Variants in DPF2 observed in about 807,000 individuals in gnomAD.
DPF2 encodes double PHD fingers 2.
In DPF2, 10 loss-of-function variants were observed where a neutral mutation model predicts 59.6. The observed-to-expected ratio is 0.17, with a 90% confidence interval of 0.10 to 0.28. The LOEUF (loss-of-function observed/expected upper bound fraction) is 0.28, where lower values mean the gene tolerates loss of function less well. DPF2 is among the 10% of genes least tolerant of loss of function. The pLI is 1.00. For synonymous variants in DPF2, 189 were observed against 190.6 expected (o/e 0.99, Z 0.07); for missense variants, 315 against 509.4 (o/e 0.62, Z 3.67).
intron 9 of DPF2, chr11:65,348,590 C>T (rs1854605351): frequency 2.4e-6 from 1 of 413,294 alleles, no homozygotes; most frequent in South Asian, 3.4e-5. Context: ...AAAAAATATA[C>T]CATAGAGCTT....
At chr11:65,344,435 G>T in intron 6 of DPF2, 1 of 728,618 alleles carries the variant, frequency 1.4e-6, no homozygotes, top group Non-Finnish European at 2.2e-6. Flanking sequence ...CTTTCTGTCT[G>T]CCTTGCCCCA....
At chr11:65,338,288 C>A (rs1188237404) in intron 1 of DPF2, among the ~76,000 whole-genome samples, 1 of 152,172 alleles carries the variant, frequency 6.6e-6, no homozygotes, top group Non-Finnish European at 1.5e-5. Flanking sequence ...CTGTCTTGTT[C>A]TCTCTTCATG....
At chr11:65,348,773 G>A (rs1854611498) in intron 9 of DPF2, 77 bp from the exon 10 acceptor site, 2 of 1,461,156 alleles carry the variant, frequency 1.4e-6, no homozygotes, top group East Asian at 4.5e-5. Flanking sequence ...ACCCCTCTTG[G>A]AAATAGCAGT....
rs1332722664 is a variant in DPF2, at chr11:65,341,433, C to A, written c.336C>A (p.Ile112=). Residue 112 remains isoleucine, a synonymous_variant, in exon 4 of 11, where the codon ATC becomes ATA. Coordinates refer to ENST00000528416, the MANE Select transcript of DPF2 (RefSeq NM_006268.5). ...AGACCCTGAAGAAGGAGGGGCTGATCTCTCAGGATGGCAGTAGTTTAGAGG... is the reference window on the plus strand; with the variant it reads ...AGACCCTGAAGAAGGAGGGGCTGATATCTCAGGATGGCAGTAGTTTAGAGG... ...TDQTLKKEGL[I]SQDGSSLEAL... The A allele has an allele frequency of 6.2e-7, 1 of 1,614,260 alleles. No homozygotes were observed. Among genetic ancestry groups the A allele is most frequent in the Non-Finnish European group, 8.5e-7 (1 of 1,180,052 alleles).
At position 65,346,293 on chromosome 11, in the gene DPF2, G is replaced by T; in HGVS notation, c.951G>T (p.Val317=). 6.2e-7 allele frequency: 1 copy of T among 1,614,062 alleles called. No homozygotes were observed. Among genetic ancestry groups the T allele is most frequent in the South Asian group, 1.1e-5 (1 of 91,084 alleles). ...TTACCCCCGTGATGATGGCGGCAGT[G>T]AAGACATACCGCTGGCAGTGCATCG... ...LQFTPVMMAA[V]KTYRWQCIEC... Residue 317 remains valine (V), a synonymous_variant, in exon 9 of 11, where the codon GTG becomes GTT. Transcript: ENST00000528416.
rs148550551 is a variant in DPF2 at position 65,333,909 on chromosome 11, T to C, written c.23T>C (p.Val8Ala). Residue 8 changes from valine to alanine, a missense_variant, in exon 1 of 11, where the codon GTA becomes GCA. Val to Ala is a moderately conservative substitution (Grantham distance 64, BLOSUM62 0). Coordinates refer to ENST00000528416, the MANE Select transcript of DPF2 (RefSeq NM_006268.5). ...AAGATGGCGGCTGTGGTGGAGAATGTAGTGAAGCTGTGAGTGGTCGTTTCT... is the reference window on the plus strand; with the variant it reads ...AAGATGGCGGCTGTGGTGGAGAATGCAGTGAAGCTGTGAGTGGTCGTTTCT... Reference protein sequence around the residue: MAAVVENVVKLLGEQYYK... With the variant: MAAVVENAVKLLGEQYYK... 5.6e-6 allele frequency: 9 copies of C among 1,613,824 alleles called. No individual in the cohort carries two copies. The highest frequency in any genetic ancestry group is 3.3e-5 in the South Asian group (3 of 91,080).
At chr11:65,344,153 T>C (rs938236304) in intron 6 of DPF2, 84 bp downstream of exon 6, 14 of 1,418,352 alleles carry the variant, frequency 9.9e-6, no homozygotes, top group Non-Finnish European at 1.2e-5. Flanking sequence ...GGTTGTGTTT[T>C]TGCCCAGAGT....
At chr11:65,334,453 C>A (rs1296394981) in intron 1 of DPF2, among the ~76,000 whole-genome samples, 3 of 152,226 alleles carry the variant, frequency 2.0e-5, no homozygotes, top group Non-Finnish European at 4.4e-5. Flanking sequence ...TACAAATATT[C>A]TTGGGAAGAA....
chr11:65,341,462 T>G lies in DPF2; in HGVS notation c.365T>G (p.Leu122Arg). The change falls in exon 4 of 11, where the codon CTG (leucine) becomes CGG (arginine). Residue 122 changes from leucine (L) to arginine (R), a missense_variant. Physicochemically the swap from Leu to Arg is moderately radical, Grantham distance 102. Transcript: ENST00000528416. The stretch of plus-strand genomic sequence containing the variant: ...CAGGATGGCAGTAGTTTAGAGGCTC[T>G]GTTGCGCACTGACCCCCTGGAGAAG... ...ISQDGSSLEA[L>R]LRTDPLEKRG... The G allele has an allele frequency of 6.2e-7, 1 of 1,614,252 alleles. No homozygotes were observed. Among genetic ancestry groups the G allele is most frequent in the Non-Finnish European group, 8.5e-7 (1 of 1,180,044 alleles).
chr11:65,335,508 C>G (rs1477317549), intron 1 of DPF2, among the ~76,000 whole-genome samples: 1 of 152,124 alleles, frequency 6.6e-6, no homozygotes, highest in East Asian at 1.9e-4. Context: ...AGGGGTTGCC[C>G]ATTTAAACAG....
intron 1 of DPF2, among the ~76,000 whole-genome samples, chr11:65,337,545 A>AGAGAGAGAGAGAGAGG (rs1211980981): frequency 7.3e-6 from 1 of 136,904 alleles, no homozygotes. Flanking sequence ...AGAGAGAGAG[A>AGAGAGAGAGAGAGAGG]GAACAATGTT....
In DPF2 at chr11:65,343,726, A is replaced by G; in HGVS notation, c.466-19A>G. On this transcript the variant is annotated intron_variant, in intron 4 of 10. Transcript: ENST00000528416. ...GGATGCACATATTTCTACCCATGCT[A>G]ACCCTCCTGTCCACTCAGCGGATCC... 1.3e-6 allele frequency: 2 copies of G among 1,577,892 alleles called. No individual in the cohort carries two copies. Among genetic ancestry groups the G allele is most frequent in the Non-Finnish European group, 1.7e-6 (2 of 1,161,902 alleles).
At chr11:65,343,695 G>A in intron 4 of DPF2, 50 bp from the exon 5 acceptor site, 1 of 1,544,762 alleles carries the variant, frequency 6.5e-7, no homozygotes, top group Non-Finnish European at 8.8e-7. Context: ...TCATAGGGGA[G>A]CTTTTGGATG....
intron 1 of DPF2, among the ~76,000 whole-genome samples, chr11:65,340,019 C>T (rs924795784): frequency 6.6e-6 from 1 of 152,166 alleles, no homozygotes; most frequent in Non-Finnish European, 1.5e-5. Flanking sequence ...TTAGGAGGGA[C>T]TATCATCTGC....
intron 1 of DPF2, among the ~76,000 whole-genome samples, chr11:65,336,658 G>T (rs967795421): frequency 6.6e-6 from 1 of 151,154 alleles, no homozygotes; most frequent in Non-Finnish European, 1.5e-5. Context: ...GCATGGTGGC[G>T]TGTGTCTGTA....
chr11:65,343,717 A>G (rs753499782), intron 4 of DPF2, 28 bp from the exon 5 acceptor site: 6 of 1,567,132 alleles, frequency 3.8e-6, no homozygotes, highest in Non-Finnish European at 4.3e-6. Context: ...ACATATTTCT[A>G]CCCATGCTAA....
At chr11:65,345,868 G>T in intron 7 of DPF2, 62 bp from the exon 8 acceptor site, 1 of 1,613,460 alleles carries the variant, frequency 6.2e-7, no homozygotes, top group Non-Finnish European at 8.5e-7. Flanking sequence ...ACCACTCCTT[G>T]CATGGGTGTT....
At chr11:65,335,153 G>GTCTT (rs1950079891) in intron 1 of DPF2, among the ~76,000 whole-genome samples, 1 of 143,760 alleles carries the variant, frequency 7.0e-6, no homozygotes, top group South Asian at 2.3e-4. Context: ...CAACGCTATT[G>GTCTT]TCTTTCTCTC....
At chr11:65,333,954 G>A in intron 1 of DPF2, 36 bp downstream of exon 1, 1 of 1,602,868 alleles carries the variant, frequency 6.2e-7, no homozygotes, top group Non-Finnish European at 8.5e-7. Flanking sequence ...AGGGCGGCAG[G>A]TTTTGTAAAG....
Sources: gnomAD v4.1 joint callset for allele counts (sites outside exome capture counted in the v4.1 genomes callset) on GRCh38, gnomAD v4.1.1 for gene constraint, MANE v1.5 for transcripts, NCBI Gene and HGNC (gene_info 2026-07-23, HGNC 2026-07-21) for gene names.